ZNF385D: variants seen among roughly 807,000 people sequenced by gnomAD.
ZNF385D encodes zinc finger protein 385D.
A neutral mutation model predicts 35.8 loss-of-function variants in ZNF385D; 15 were observed. The ratio of observed to expected loss-of-function variants is 0.42; its 90% CI spans 0.28 to 0.64. The LOEUF is 0.64. Among genes scored for constraint, ZNF385D ranks in the 30% least tolerant of loss-of-function variants. The pLI is 0.23. For missense variants in ZNF385D, 474 were observed against 494.6 expected (o/e 0.96, Z 0.39); for synonymous variants, 212 against 186.8 (o/e 1.13, Z -1.10).
chr3:22,327,793 C>T (rs1454943518), intron 2 of ZNF385D, among the ~76,000 whole-genome samples: 4 of 152,136 alleles, frequency 2.6e-5, no homozygotes, highest in African/African-American at 7.2e-5. Context: ...TGTGATTTAT[C>T]GACTTTGTCC....
At chr3:22,118,772 G>A (rs749747115) in intron 3 of ZNF385D, among the ~76,000 whole-genome samples, 1 of 152,020 alleles carries the variant, frequency 6.6e-6, no homozygotes, top group Non-Finnish European at 1.5e-5. Context: ...TCTGGGTTTA[G>A]AATTTCACAG....
chr3:22,123,305 G>C (rs1353952824), intron 3 of ZNF385D, among the ~76,000 whole-genome samples: 1 of 152,078 alleles, frequency 6.6e-6, no homozygotes, highest in South Asian at 2.1e-4. Flanking sequence ...TTATATTTGA[G>C]ATATTTATTT....
chr3:21,758,668 T>C (rs1429930788), intron 3 of ZNF385D, among the ~76,000 whole-genome samples: 1 of 152,128 alleles, frequency 6.6e-6, no homozygotes, highest in Non-Finnish European at 1.5e-5. Context: ...TTGATAGTCC[T>C]GATCCCCTTG....
chr3:21,481,421 C>T (rs1704619802), intron 4 of ZNF385D, among the ~76,000 whole-genome samples: 2 of 152,170 alleles, frequency 1.3e-5, no homozygotes, highest in African/African-American at 4.8e-5. Context: ...TACACATTCT[C>T]CTCTAAAATG....
intron 3 of ZNF385D, among the ~76,000 whole-genome samples, chr3:21,880,443 G>T (rs1270099019): frequency 6.6e-6 from 1 of 151,846 alleles, no homozygotes; most frequent in Non-Finnish European, 1.5e-5. Context: ...GATCCTTAAT[G>T]TTACTATTGT....
At chr3:22,028,083 A>G (rs1050873812) in intron 3 of ZNF385D, among the ~76,000 whole-genome samples, 1 of 152,204 alleles carries the variant, frequency 6.6e-6, no homozygotes, top group Non-Finnish European at 1.5e-5. Context: ...CATGGGCTGT[A>G]GTCAATGGTT....
chr3:21,429,274 T>C (rs1487836740), intron 5 of ZNF385D, among the ~76,000 whole-genome samples: 3 of 152,112 alleles, frequency 2.0e-5, no homozygotes, highest in African/African-American at 7.2e-5. Context: ...ATAGTTATCA[T>C]GTACCAGTCT....
chr3:21,760,134 C>A (rs1310695216), intron 3 of ZNF385D, among the ~76,000 whole-genome samples: 2 of 152,274 alleles, frequency 1.3e-5, no homozygotes, highest in African/African-American at 4.8e-5. Flanking sequence ...TATGCTCAAA[C>A]ATACTAATAA....
intron 2 of ZNF385D, among the ~76,000 whole-genome samples, chr3:22,324,018 C>T (rs1012239469): frequency 2.0e-5 from 3 of 151,858 alleles, no homozygotes; most frequent in Non-Finnish European, 4.4e-5. Context: ...AGTGTTTTAA[C>T]AGAAGGATTA....
chr3:21,494,726 T>C (rs1705696427), intron 4 of ZNF385D, among the ~76,000 whole-genome samples: 2 of 152,170 alleles, frequency 1.3e-5, no homozygotes, highest in African/African-American at 4.8e-5. Context: ...TCAACCACTT[T>C]ATCACAGCTT....
intron 2 of ZNF385D, among the ~76,000 whole-genome samples, chr3:22,317,352 A>G (rs1262279514): frequency 2.0e-5 from 3 of 150,390 alleles, no homozygotes; most frequent in Non-Finnish European, 4.4e-5. Context: ...TCTTAAACTC[A>G]CTCCCTAAGG....
At chr3:21,541,245 C>T (rs533734015) in intron 3 of ZNF385D, among the ~76,000 whole-genome samples, 177 of 152,212 alleles carry the variant, frequency 1.2e-3, no homozygotes, top group African/African-American at 4.0e-3. Flanking sequence ...CACTCTTAAA[C>T]CAATCACCAT....
In ZNF385D at chr3:21,414,486, A is replaced by G. The variant is rs930611731; in HGVS notation, c.*6728T>C. 3.3e-5 allele frequency: 5 copies of G among 152,160 alleles called. No homozygotes were observed. The highest frequency in any genetic ancestry group is 5.9e-5 in the Non-Finnish European group (4 of 68,006). The allele number at this position is 152,160 out of a possible 1,614,324, so 9.4% of individuals were successfully genotyped here. A position where few individuals can be genotyped will look rare whatever the true frequency, so the allele number is the denominator to read the frequency against. ...ATGTAGTAATATAAACGCTGTAACT[A>G]TAAGTCACATTTTAAAACGACTTTA... On this transcript the variant is annotated 3_prime_UTR_variant, in exon 8 of 8. Transcript: ENST00000281523.
intron 3 of ZNF385D, among the ~76,000 whole-genome samples, chr3:21,844,158 G>A (rs781424103): frequency 2.6e-5 from 4 of 151,932 alleles, no homozygotes; most frequent in Non-Finnish European, 5.9e-5. Context: ...ACAACCCTGA[G>A]AGGTAGACAG....
At chr3:21,936,649 T>C (rs779934650) in intron 3 of ZNF385D, among the ~76,000 whole-genome samples, 3 of 152,084 alleles carry the variant, frequency 2.0e-5, no homozygotes, top group African/African-American at 4.8e-5. Flanking sequence ...ATAAACTTCA[T>C]CTTATTTTAC....
At chr3:21,479,835 A>C (rs1218058633) in intron 4 of ZNF385D, among the ~76,000 whole-genome samples, 1 of 152,196 alleles carries the variant, frequency 6.6e-6, no homozygotes, top group African/African-American at 2.4e-5. Flanking sequence ...TGCATTAGCT[A>C]TGACAAATGC....
At chr3:22,107,026 G>GTTATTTTTTTTTTTTTTT (rs538697822) in intron 3 of ZNF385D, among the ~76,000 whole-genome samples, 1 of 118,830 alleles carries the variant, frequency 8.4e-6, no homozygotes. Flanking sequence ...TGGAATGAGA[G>GTTATTTTTTTTTTTTTTT]TTTTTTTTTT....
intron 3 of ZNF385D, among the ~76,000 whole-genome samples, chr3:21,811,503 T>C (rs1232518056): frequency 6.6e-6 from 1 of 152,108 alleles, no homozygotes; most frequent in Non-Finnish European, 1.5e-5. Context: ...ATACAAAATA[T>C]GTTAAAATGT....
chr3:21,709,091 T>A (rs1425269432), intron 1 of ZNF385D, among the ~76,000 whole-genome samples: 2 of 152,182 alleles, frequency 1.3e-5, no homozygotes, highest in African/African-American at 4.8e-5. Context: ...TCATATTTCT[T>A]AAAATAAAAT....
Sources: gnomAD v4.1 joint callset for allele counts (sites outside exome capture counted in the v4.1 genomes callset) on GRCh38, gnomAD v4.1.1 for gene constraint, MANE v1.5 for transcripts, NCBI Gene and HGNC (gene_info 2026-07-23, HGNC 2026-07-21) for gene names.